GTF2H3: variants seen among roughly 807,000 people sequenced by gnomAD.
The protein encoded by GTF2H3 is TFIIH basal transcription factor complex p34 subunit.
GTF2H3 carries 42 observed loss-of-function variants against 51.1 expected under a neutral mutation model. The ratio of observed to expected loss-of-function variants is 0.82; its 90% CI spans 0.64 to 1.06. GTF2H3 has a LOEUF of 1.06. Ranked by LOEUF, GTF2H3 falls within the 50% of genes least tolerant of loss-of-function variation. The pLI, the probability that GTF2H3 is intolerant of heterozygous loss-of-function variation, is 0.00. For missense variants in GTF2H3, 326 were observed against 366.1 expected (o/e 0.89, Z 0.89); for synonymous variants, 123 against 123.8 (o/e 0.99, Z 0.04).
At chr12:123,646,186 A>G (rs1332341863) in intron 3 of GTF2H3, among the ~76,000 whole-genome samples, 2 of 151,748 alleles carry the variant, frequency 1.3e-5, no homozygotes, top group Non-Finnish European at 2.9e-5. Context: ...AATTTGGGCC[A>G]TATTTACTTC....
Position 123,633,863 on chromosome 12 carries a change from G to A in GTF2H3, c.4G>A (p.Val2Ile), listed in dbSNP as rs1330453570. M[V>I]SDEDELNLLV... The stretch of plus-strand genomic sequence containing the variant: ...GCGCTGAGGTGCTGGGACAGCCATG[G>A]TTTCAGACGGTGAGGACCCTGCAGG... The change falls in exon 1 of 13, where the codon GTT (valine) becomes ATT (isoleucine). Residue 2 changes from valine (V) to isoleucine (I), a missense_variant. Val to Ile is a conservative substitution (Grantham distance 29). Transcript: ENST00000543341. 6.2e-7 allele frequency: 1 copy of A among 1,613,374 alleles called. No homozygotes were observed. The highest frequency in any genetic ancestry group is 8.5e-7 in the Non-Finnish European group (1 of 1,180,030).
At chr12:123,652,792 G>A (rs965214112) in intron 7 of GTF2H3, 57 bp downstream of exon 7, 53 of 1,407,316 alleles carry the variant, frequency 3.8e-5, no homozygotes, top group African/African-American at 1.6e-4. Context: ...AAAACATAAC[G>A]GGAGACCAGG....
At chr12:123,659,752 C>T (rs568985227) in intron 10 of GTF2H3, 43 bp from the exon 11 acceptor site, 4 of 1,591,348 alleles carry the variant, frequency 2.5e-6, no homozygotes, top group East Asian at 2.2e-5. Context: ...TATTTTTTTC[C>T]CATGTTTTAA....
chr12:123,647,469 C>T (rs1280145977), intron 3 of GTF2H3, among the ~76,000 whole-genome samples: 1 of 150,814 alleles, frequency 6.6e-6, no homozygotes, highest in Non-Finnish European at 1.5e-5. Flanking sequence ...GAGACTGTGT[C>T]TCAAAAAAAA....
rs1408011364 is a variant in GTF2H3 at position 123,645,571 on chromosome 12, T to C, written c.200+10T>C. 2 of 1,395,784 alleles carry C rather than the reference T, an allele frequency of 1.4e-6. No individual in the cohort carries two copies. Among genetic ancestry groups the C allele is most frequent in the Non-Finnish European group, 2.0e-6 (2 of 981,106 alleles). 86.5% of individuals were successfully genotyped at this position (1,395,784 alleles called of 1,614,324 possible). A position where few individuals can be genotyped will look rare whatever the true frequency, so the allele number is the denominator to read the frequency against. ...GTCACATTCAAGAAAGGTATGACCA[T>C]TGTGATTGCTTTTGCTCTTCAGTGC... On this transcript the variant is annotated intron_variant, in intron 3 of 12. Transcript: ENST00000543341.
At chr12:123,640,050 G>A (rs1047522799) in intron 2 of GTF2H3, 5 of 439,194 alleles carry the variant, frequency 1.1e-5, no homozygotes, top group African/African-American at 1.0e-4. Flanking sequence ...AGTAGAGATG[G>A]GGTTTTGCCA....
chr12:123,651,057 G>A lies in GTF2H3; in HGVS notation c.427+1G>A. ...GGATCCCTGGCCAAAGCCCTTTGCT[G>A]TATCCTTGGTGTCTGAATCATTTAG... is the stretch of plus-strand genomic sequence containing the variant. On this transcript the variant is annotated splice_donor_variant, in intron 5 of 12. Transcript: ENST00000543341. LOFTEE classifies it high-confidence loss of function. 1.9e-6 allele frequency: 3 copies of A among 1,607,128 alleles called. No homozygotes were observed. Among genetic ancestry groups the A allele is most frequent in the South Asian group, 1.1e-5 (1 of 90,936 alleles).
chr12:123,650,766 A>ACAAC (rs1173239364), intron 4 of GTF2H3, among the ~76,000 whole-genome samples: 1 of 152,220 alleles, frequency 6.6e-6, no homozygotes, highest in African/African-American at 2.4e-5. Context: ...TAGCCCCTGA[A>ACAAC]CAACCACCAG....
chr12:123,647,199 G>A (rs977100007), intron 3 of GTF2H3, among the ~76,000 whole-genome samples: 3 of 151,302 alleles, frequency 2.0e-5, no homozygotes, highest in South Asian at 4.2e-4. Context: ...GCCGGGCTCG[G>A]TGGCTCACGC....
chr12:123,647,139 C>CA lies in GTF2H3; in HGVS notation c.201-822dup, dbSNP rs994811798. On this transcript the variant is annotated intron_variant, in intron 3 of 12. Coordinates refer to ENST00000543341, the MANE Select transcript of GTF2H3 (RefSeq NM_001516.5). ...CTGCACTGCAGCCTGGGCGACAGAG[C>CA]AAGACCCTGTCTCAAAAAAAAAAAA... Among the ~76,000 whole-genome samples, 48 of 122,602 alleles carry CA rather than the reference C, an allele frequency of 3.9e-4. 1 individual carries two copies. The highest frequency in any genetic ancestry group is 2.8e-3 in the East Asian group (12 of 4,320). The allele number at this position is 122,602 out of a possible 152,430, so 80.4% of individuals were successfully genotyped here. A position where few individuals can be genotyped will look rare whatever the true frequency, so the allele number is the denominator to read the frequency against.
At chr12:123,636,820 G>A (rs762749445) in intron 1 of GTF2H3, among the ~76,000 whole-genome samples, 2 of 152,212 alleles carry the variant, frequency 1.3e-5, no homozygotes, top group Non-Finnish European at 2.9e-5. Flanking sequence ...AGGAGGCTGA[G>A]GCAGGAGAAT....
intron 7 of GTF2H3, among the ~76,000 whole-genome samples, chr12:123,654,038 A>G (rs1955552528): frequency 6.6e-6 from 1 of 152,170 alleles, no homozygotes; most frequent in African/African-American, 2.4e-5. Flanking sequence ...TCCCACATAT[A>G]TTGTGGACTG....
rs967267771 is a variant in GTF2H3, at chr12:123,660,938, G to C, written c.*703G>C. ...ACTGGTTTTGAGGGAGAACTTACTG[G>C]AGAAAATGGACTCTATGTTAAGTAT... On this transcript the variant is annotated 3_prime_UTR_variant, in exon 13 of 13. Transcript: ENST00000543341. The C allele has an allele frequency of 2.0e-5, 3 of 152,118 alleles. No homozygotes were observed. Among genetic ancestry groups the C allele is most frequent in the African/African-American group, 7.2e-5 (3 of 41,412 alleles). The allele number at this position is 152,118 out of a possible 1,614,324, so 9.4% of individuals were successfully genotyped here.
At position 123,660,850 on chromosome 12, in the gene GTF2H3, C is replaced by T. The variant is rs544929373; in HGVS notation, c.*615C>T. ...TCTCATTTTAAATGAGTAAGGAGAA[C>T]GTGTACAGAAGCAAATTTTCTTCAA... On this transcript the variant is annotated 3_prime_UTR_variant, in exon 13 of 13. Coordinates refer to ENST00000543341, the MANE Select transcript of GTF2H3 (RefSeq NM_001516.5). 3 of 152,066 alleles carry T rather than the reference C, an allele frequency of 2.0e-5. No homozygotes were observed. Among genetic ancestry groups the T allele is most frequent in the South Asian group, 2.1e-4 (1 of 4,828 alleles). The allele number at this position is 152,066 out of a possible 1,614,324, so 9.4% of individuals were successfully genotyped here.
intron 1 of GTF2H3, among the ~76,000 whole-genome samples, chr12:123,634,835 T>C (rs1276544850): frequency 6.6e-6 from 1 of 152,232 alleles, no homozygotes; most frequent in East Asian, 1.9e-4. Context: ...TGCAGGGCCT[T>C]ATTGGCCGTG....
chr12:123,654,369 G>A (rs957276648), intron 7 of GTF2H3, among the ~76,000 whole-genome samples: 1 of 151,380 alleles, frequency 6.6e-6, no homozygotes, highest in African/African-American at 2.4e-5. Flanking sequence ...TGTACTTTTG[G>A]GGTACGTGTA....
intron 3 of GTF2H3, 78 bp downstream of exon 3, chr12:123,645,639 C>G: frequency 1.3e-6 from 1 of 754,054 alleles, no homozygotes; most frequent in Non-Finnish European, 2.3e-6. Context: ...ATGTATTGTT[C>G]CTACTCCATG....
rs1955567886 is a variant in GTF2H3, at chr12:123,654,922, AG to A, written c.487del. 1 of 1,608,060 alleles carries A rather than the reference AG, an allele frequency of 6.2e-7. No homozygotes were observed. Among genetic ancestry groups the A allele is most frequent in the African/African-American group, 1.3e-5 (1 of 74,816 alleles). ...TGGAATTAACATGACTGTGATTTTT[AG>A]GTGATTAAGGCTGCAGAAGACAGTG... is the stretch of plus-strand genomic sequence containing the variant. On this transcript the variant is annotated splice_acceptor_variant, in intron 7 of 12. Coordinates refer to ENST00000543341, the MANE Select transcript of GTF2H3 (RefSeq NM_001516.5). LOFTEE classifies it high-confidence loss of function.
intron 10 of GTF2H3, 97 bp downstream of exon 10, chr12:123,659,681 C>A: frequency 6.8e-7 from 1 of 1,462,498 alleles, no homozygotes; most frequent in South Asian, 1.1e-5. Flanking sequence ...TGCTAGTACT[C>A]AGGAGAAGGG....
Sources: gnomAD v4.1 joint callset for allele counts (sites outside exome capture counted in the v4.1 genomes callset) on GRCh38, gnomAD v4.1.1 for gene constraint, MANE v1.5 for transcripts, NCBI Gene and HGNC (gene_info 2026-07-23, HGNC 2026-07-21) for gene names.